ATF7IP2: variants seen among roughly 807,000 people sequenced by gnomAD.
ATF7IP2 encodes activating transcription factor 7-interacting protein 2.
ATF7IP2 carries 42 observed loss-of-function variants against 64.2 expected under a neutral mutation model. The observed-to-expected ratio is 0.65, with a 90% confidence interval of 0.51 to 0.85. The LOEUF (loss-of-function observed/expected upper bound fraction) is 0.85. Ranked by LOEUF, ATF7IP2 falls within the 40% of genes least tolerant of loss-of-function variation. The probability of loss-of-function intolerance (pLI) is 0.00; values close to 1 mark genes in which losing one functional copy is unlikely to be tolerated. For missense variants in ATF7IP2, 933 were observed against 784.2 expected, an observed-to-expected ratio of 1.19 and a Z score of -2.27; for synonymous variants, 308 against 272.8, an observed-to-expected ratio of 1.13 and a Z score of -1.27.
intron 11 of ATF7IP2, 104 bp from the exon 12 acceptor site, chr16:10,473,819 G>C: frequency 1.3e-6 from 1 of 746,762 alleles, no homozygotes; most frequent in Non-Finnish European, 2.1e-6. Flanking sequence ...TTTCCGAATG[G>C]TGATTTAAAA....
intron 1 of ATF7IP2, among the ~76,000 whole-genome samples, chr16:10,407,746 C>A (rs1244513494): frequency 6.6e-6 from 1 of 152,108 alleles, no homozygotes; most frequent in Non-Finnish European, 1.5e-5. Context: ...ATCACCCGAG[C>A]ACTATACACT....
At position 10,433,564 on chromosome 16, in the gene ATF7IP2, A is replaced by G. The variant is rs374397904; in HGVS notation, c.875A>G (p.Glu292Gly). ...QKKRMFSENE[E>G]NVKRMKTSEQ... Reference sequence around the variant, plus strand: ...AAGAGGATGTTTTCAGAAAACGAGGAAAATGTTAAACGCATGAAAACTTCA... The same window carrying G: ...AAGAGGATGTTTTCAGAAAACGAGGGAAATGTTAAACGCATGAAAACTTCA... Residue 292 changes from glutamate (E) to glycine (G), a missense_variant, in exon 6 of 14, where the codon GAA becomes GGA. Transcript: ENST00000562102. The G allele has an allele frequency of 1.2e-5, 19 of 1,612,992 alleles. No individual in the cohort carries two copies. The highest frequency in any genetic ancestry group is 3.3e-5 in the Admixed American group (2 of 59,992).
intron 12 of ATF7IP2, among the ~76,000 whole-genome samples, chr16:10,475,722 GAAAAAA>G (rs386384218): frequency 2.4e-5 from 1 of 41,644 alleles, no homozygotes; most frequent in Non-Finnish European, 4.0e-5. Flanking sequence ...TAAGAAGCCA[GAAAAAA>G]AAAAAAAAAA....
chr16:10,402,716 A>C (rs908670842), intron 1 of ATF7IP2, among the ~76,000 whole-genome samples: 5 of 152,040 alleles, frequency 3.3e-5, no homozygotes, highest in African/African-American at 9.7e-5. Context: ...CTCCCACCTC[A>C]GCCTCCCAAA....
chr16:10,453,805 C>T (rs986249862), intron 8 of ATF7IP2, among the ~76,000 whole-genome samples: 1 of 151,904 alleles, frequency 6.6e-6, no homozygotes, highest in African/African-American at 2.4e-5. Context: ...TTAGTAGAGA[C>T]AGGGTTTCTC....
At chr16:10,469,201 A>C (rs967520947) in intron 9 of ATF7IP2, among the ~76,000 whole-genome samples, 2 of 152,178 alleles carry the variant, frequency 1.3e-5, no homozygotes, top group Non-Finnish European at 2.9e-5. Flanking sequence ...TGGACTTAGC[A>C]GACGACCTAA....
chr16:10,442,430 A>G (rs964686295), intron 8 of ATF7IP2, among the ~76,000 whole-genome samples: 6 of 152,332 alleles, frequency 3.9e-5, no homozygotes, highest in Admixed American at 2.0e-4. Context: ...GGCTGTTTTT[A>G]TAAGTTTTAT....
rs555339828 is a variant in ATF7IP2 at position 10,436,639 on chromosome 16, G to A, written c.961-1462G>A. Among the ~76,000 whole-genome samples, 17 of 152,196 alleles carry A rather than the reference G, an allele frequency of 1.1e-4. No homozygotes were observed. The East Asian group carries it at 3.1e-3, about 28-fold the overall frequency. ...GGTGATATCAATATAAGAGTTTAAC[G>A]TAGGAACTATGTGTTCTATTTTGAG... On this transcript the variant is annotated intron_variant, in intron 6 of 13. Transcript: ENST00000562102.
chr16:10,454,638 T>A (rs1359358193), intron 8 of ATF7IP2, among the ~76,000 whole-genome samples: 2 of 152,144 alleles, frequency 1.3e-5, no homozygotes, highest in African/African-American at 4.8e-5. Flanking sequence ...TTGTTCTTTT[T>A]CCAGGTTCTT....
At chr16:10,426,986 G>A (rs2048098746) in intron 3 of ATF7IP2, among the ~76,000 whole-genome samples, 5 of 151,858 alleles carry the variant, frequency 3.3e-5, no homozygotes, top group Non-Finnish European at 1.5e-5. Context: ...CCAAGTAGCC[G>A]GGAATACAGA....
intron 8 of ATF7IP2, among the ~76,000 whole-genome samples, chr16:10,442,497 A>G (rs1277632369): frequency 6.6e-6 from 1 of 152,244 alleles, no homozygotes; most frequent in East Asian, 1.9e-4. Flanking sequence ...AGTGGGAATG[A>G]GTACCCTAAC....
At chr16:10,387,102 C>G (rs2047217963) in intron 1 of ATF7IP2, 1 of 152,104 alleles carries the variant, frequency 6.6e-6, no homozygotes. Flanking sequence ...TAGATTGCGA[C>G]TTAATACTGT....
intron 1 of ATF7IP2, among the ~76,000 whole-genome samples, chr16:10,403,126 C>G (rs1225596960): frequency 6.6e-6 from 1 of 152,120 alleles, no homozygotes; most frequent in African/African-American, 2.4e-5. Flanking sequence ...TAATGGATGT[C>G]AGATATAAAT....
chr16:10,479,807 A>C (rs181919903), intron 12 of ATF7IP2, among the ~76,000 whole-genome samples: 4 of 152,126 alleles, frequency 2.6e-5, no homozygotes, highest in African/African-American at 9.7e-5. Context: ...CATGCCTGTC[A>C]GAATGGCGAT....
intron 7 of ATF7IP2, among the ~76,000 whole-genome samples, 197 bp from the exon 8 acceptor site, chr16:10,440,167 A>T (rs1192803475): frequency 1.3e-5 from 2 of 151,868 alleles, no homozygotes; most frequent in African/African-American, 2.4e-5. Context: ...TCTCAAAAAA[A>T]AATTTTTTTT....
intron 8 of ATF7IP2, chr16:10,445,983 T>C (rs1055578790): frequency 2.6e-5 from 4 of 152,260 alleles, no homozygotes; most frequent in African/African-American, 7.2e-5. Flanking sequence ...AGGCTTGATA[T>C]AATGCAAACA....
chr16:10,392,699 A>G (rs2047349905), intron 1 of ATF7IP2, among the ~76,000 whole-genome samples: 1 of 152,124 alleles, frequency 6.6e-6, no homozygotes, highest in Non-Finnish European at 1.5e-5. Flanking sequence ...AATGTTAGCC[A>G]TTTATAGGCC....
At chr16:10,477,521 TACTG>T (rs1450420606) in intron 12 of ATF7IP2, among the ~76,000 whole-genome samples, 87 of 152,194 alleles carry the variant, frequency 5.7e-4, no homozygotes, top group Non-Finnish European at 1.1e-3. Flanking sequence ...GCCAATATCA[TACTG>T]AATGGGCAAA....
chr16:10,424,894 A>C (rs1021040179), intron 3 of ATF7IP2, among the ~76,000 whole-genome samples: 2 of 152,192 alleles, frequency 1.3e-5, no homozygotes, highest in Non-Finnish European at 2.9e-5. Flanking sequence ...GTGTGAATGT[A>C]AGTTGTTCCG....
Sources: gnomAD v4.1 joint callset for allele counts (sites outside exome capture counted in the v4.1 genomes callset) on GRCh38, gnomAD v4.1.1 for gene constraint, MANE v1.5 for transcripts, NCBI Gene and HGNC (gene_info 2026-07-23, HGNC 2026-07-21) for gene names.